The following SH2D3C variants were observed in gnomAD, a reference collection of about 807,000 sequenced individuals.
SH2D3C encodes the protein SH2 domain-containing protein 3C.
In SH2D3C, 25 loss-of-function variants were observed where a neutral mutation model predicts 75.2. The observed-to-expected ratio is 0.33, with a 90% confidence interval of 0.24 to 0.46. The LOEUF is 0.46. Ranked by LOEUF, SH2D3C falls within the 20% of genes least tolerant of loss-of-function variation. The pLI is 1.00. For synonymous variants in SH2D3C, 450 were observed against 473.7 expected (o/e 0.95, Z 0.65); for missense variants, 933 against 1,165.3 (o/e 0.80, Z 2.90).
chr9:127,757,645 GATTATT>G (rs71380087), intron 3 of SH2D3C, among the ~76,000 whole-genome samples: 1,601 of 121,480 alleles, frequency 0.013, 31 homozygotes, highest in African/African-American at 0.043. Context: ...TGATGATGAT[GATTATT>G]ATTATTATTA....
At chr9:127,742,026 G>T in intron 8 of SH2D3C, 67 bp from the exon 9 acceptor site, 1 of 1,462,606 alleles carries the variant, frequency 6.8e-7, no homozygotes, top group South Asian at 1.3e-5. Context: ...GGCCTGGGGC[G>T]CTGCCTGTGG....
At chr9:127,755,441 T>C (rs1845353945) in intron 3 of SH2D3C, 2 of 255,540 alleles carry the variant, frequency 7.8e-6, no homozygotes. Context: ...TGCCTGGAGC[T>C]GCGGGCGCGG....
At chr9:127,776,118 C>T (rs866746538) in intron 1 of SH2D3C, among the ~76,000 whole-genome samples, 6 of 152,092 alleles carry the variant, frequency 3.9e-5, no homozygotes, top group African/African-American at 9.7e-5. Flanking sequence ...GGTAAGACAC[C>T]GTGCCTGGCC....
chr9:127,762,306 C>A, intron 2 of SH2D3C: 2 of 1,291,766 alleles, frequency 1.5e-6, no homozygotes, highest in Middle Eastern at 2.2e-4. Context: ...TGAACCACTC[C>A]CCCCACCGCA....
chr9:127,751,121 G>A lies in SH2D3C; in HGVS notation c.684+51C>T, dbSNP rs1230490604. 1.9e-6 allele frequency: 3 copies of A among 1,601,902 alleles called. No individual in the cohort carries two copies. Among genetic ancestry groups the A allele is most frequent in the East Asian group, 2.2e-5 (1 of 44,822 alleles). On this transcript the variant is annotated intron_variant, in intron 4 of 11. Transcript: ENST00000314830. This position sits in a 1 kb window ranked among gnomAD's most constrained non-coding sequence, Gnocchi z 4.1. ...TGCAGCCAGGGCTGGGGCTGGCCAAGGCAGTGGGTGGGAGGGTCCCGGGTT... is the reference window on the plus strand; with the variant it reads ...TGCAGCCAGGGCTGGGGCTGGCCAAAGCAGTGGGTGGGAGGGTCCCGGGTT...
At position 127,774,445 on chromosome 9, in the gene SH2D3C, A is replaced by T. The variant is rs1845781356; in HGVS notation, c.60T>A (p.Phe20Leu). The T allele has an allele frequency of 1.3e-6, 2 of 1,582,290 alleles. No individual in the cohort carries two copies. The highest frequency in any genetic ancestry group is 2.7e-5 in the African/African-American group (2 of 74,494). ...KKFKFFKFKGFGSLSNLPRSF... is the reference protein window; with the variant it reads ...KKFKFFKFKGLGSLSNLPRSF... The stretch of plus-strand genomic sequence containing the variant: ...ACCGAGGGAGGTTGGAGAGACTCCC[A>T]AAGCCCTTGAACTTGAAGAACTCTA... The change falls in exon 2 of 12, where the codon TTT (phenylalanine) becomes TTA (leucine). Residue 20 changes from phenylalanine to leucine, a missense_variant. Coordinates refer to ENST00000314830, the MANE Select transcript of SH2D3C (RefSeq NM_170600.3). The surrounding 1 kb of genome is among the most constrained non-coding windows in gnomAD (Gnocchi z 4.3).
chr9:127,752,464 G>A (rs1292369138), intron 3 of SH2D3C, among the ~76,000 whole-genome samples: 1 of 152,130 alleles, frequency 6.6e-6, no homozygotes, highest in East Asian at 1.9e-4. Flanking sequence ...CTGGCCAGAA[G>A]GCAGGACAGA....
chr9:127,757,768 C>G (rs566807129), intron 3 of SH2D3C, among the ~76,000 whole-genome samples: 3 of 151,766 alleles, frequency 2.0e-5, no homozygotes, highest in Non-Finnish European at 2.9e-5. Flanking sequence ...ATTCTCCTGC[C>G]TCATCCTCCT....
Position 127,740,240 on chromosome 9 carries a change from C to G in SH2D3C, c.2200+18G>C. ...GGGAGGGCTGCAGCCTGTCCAAGGTCACGCAACAAGGAAGTACCTTTGCCC... is the reference window on the plus strand; with the variant it reads ...GGGAGGGCTGCAGCCTGTCCAAGGTGACGCAACAAGGAAGTACCTTTGCCC... On this transcript the variant is annotated intron_variant, in intron 10 of 11. Coordinates refer to ENST00000314830, the MANE Select transcript of SH2D3C (RefSeq NM_170600.3). The G allele has an allele frequency of 6.2e-7, 1 of 1,604,366 alleles. No homozygotes were observed. Among genetic ancestry groups the G allele is most frequent in the East Asian group, 2.2e-5 (1 of 44,826 alleles).
At chr9:127,771,325 A>T in intron 2 of SH2D3C, 1 of 1,415,828 alleles carries the variant, frequency 7.1e-7, no homozygotes, top group Non-Finnish European at 9.2e-7. Context: ...TCAGTGCCGG[A>T]CTCCGGGGGC....
intron 2 of SH2D3C, among the ~76,000 whole-genome samples, chr9:127,770,357 A>G (rs1845711025): frequency 6.6e-6 from 1 of 152,166 alleles, no homozygotes; most frequent in Non-Finnish European, 1.5e-5. Context: ...ACACTCAGGA[A>G]CAGGGCCCCC....
Position 127,738,462 on chromosome 9 carries a change from C to T in SH2D3C, c.*284G>A. The T allele has an allele frequency of 3.3e-6, 1 of 304,156 alleles. No homozygotes were observed. The highest frequency in any genetic ancestry group is 6.1e-6 in the Non-Finnish European group (1 of 163,486). 18.8% of individuals were successfully genotyped at this position (304,156 alleles called of 1,614,324 possible). A position where few individuals can be genotyped will look rare whatever the true frequency, so the allele number is the denominator to read the frequency against. ...GAGTGAGGAGGCGTGAGCAGCCTGC[C>T]TCCCATGGCTCGAAAACAGGGAACC... On this transcript the variant is annotated 3_prime_UTR_variant, in exon 12 of 12. Transcript: ENST00000314830. The surrounding 1 kb of genome is among the most constrained non-coding windows in gnomAD (Gnocchi z 5.0).
At chr9:127,742,764 T>C (rs1156374902) in intron 8 of SH2D3C, 85 bp downstream of exon 8, 5 of 993,448 alleles carry the variant, frequency 5.0e-6, no homozygotes, top group Non-Finnish European at 7.3e-6. Flanking sequence ...GAGCTGAGGC[T>C]GTGATTGGCC....
chr9:127,754,537 C>T lies in SH2D3C; in HGVS notation c.556-3237G>A, dbSNP rs781446194. On this transcript the variant is annotated intron_variant, in intron 3 of 11. Coordinates refer to ENST00000314830, the MANE Select transcript of SH2D3C (RefSeq NM_170600.3). The surrounding 1 kb of genome is among the most constrained non-coding windows in gnomAD (Gnocchi z 4.4). ...CGCCGCGGCGCCGTCCTGCACTGCC[C>T]GGCCAGCTGGGCTGGGAGAGACCCG... 2.2e-4 allele frequency among the ~76,000 whole-genome samples: 34 copies of T among 152,160 alleles called. No homozygotes were observed. The highest frequency in any genetic ancestry group is 4.4e-4 in the Non-Finnish European group (30 of 68,012).
intron 2 of SH2D3C, chr9:127,767,014 G>T (rs1845648152): frequency 6.5e-7 from 1 of 1,536,184 alleles, no homozygotes. Flanking sequence ...CCAGCCATGG[G>T]GCCTGTGGGA....
intron 3 of SH2D3C, among the ~76,000 whole-genome samples, chr9:127,753,879 C>T (rs1368572963): frequency 6.6e-6 from 1 of 152,214 alleles, no homozygotes; most frequent in African/African-American, 2.4e-5. Context: ...GTTGAAGAAC[C>T]GCCCCAAGGC....
chr9:127,764,326 A>G (rs10739694), intron 2 of SH2D3C, among the ~76,000 whole-genome samples: 82,537 of 152,004 alleles, frequency 0.54, 22,778 homozygotes, highest in East Asian at 0.7. Flanking sequence ...CACAATCACC[A>G]TGTCCAGTTA....
intron 9 of SH2D3C, 108 bp downstream of exon 9, chr9:127,741,680 C>T: frequency 7.3e-7 from 1 of 1,361,270 alleles, no homozygotes; most frequent in South Asian, 1.5e-5. Context: ...ACCAATTCTG[C>T]CTAGAAATTC....
chr9:127,745,189 A>C, intron 6 of SH2D3C, 90 bp from the exon 7 acceptor site: 3 of 1,117,916 alleles, frequency 2.7e-6, no homozygotes, highest in Non-Finnish European at 3.6e-6. Flanking sequence ...AGGCTCCCTC[A>C]CTCCTTGTAG....
Sources: allele counts gnomAD v4.1 joint callset (sites outside exome capture counted in the v4.1 genomes callset), GRCh38; gene constraint gnomAD v4.1.1; non-coding constraint Gnocchi (gnomAD v3.1); transcripts MANE v1.5; gene names NCBI Gene and HGNC (gene_info 2026-07-23, HGNC 2026-07-21).